The following SCLT1 variants were observed in gnomAD, a reference collection of about 807,000 sequenced individuals.
The protein encoded by SCLT1 is sodium channel-associated protein 1.
In SCLT1, 78 loss-of-function variants were observed where a neutral mutation model predicts 112.8. The ratio of observed to expected loss-of-function variants is 0.69; its 90% CI spans 0.58 to 0.83. The LOEUF (loss-of-function observed/expected upper bound fraction) is 0.83. Ranked by LOEUF, SCLT1 falls within the 40% of genes least tolerant of loss-of-function variation. SCLT1 has a pLI of 0.00. For missense variants in SCLT1, 747 were observed against 770.4 expected, an observed-to-expected ratio of 0.97 and a Z score of 0.36; for synonymous variants, 257 against 254.7, an observed-to-expected ratio of 1.01 and a Z score of -0.09.
chr4:128,891,294 A>G (rs1053787398), intron 18 of SCLT1, among the ~76,000 whole-genome samples, 157 bp from the exon 19 acceptor site: 3 of 152,184 alleles, frequency 2.0e-5, no homozygotes, highest in Admixed American at 6.5e-5. Flanking sequence ...GGACTTGTTT[A>G]TTTCTTTTTA....
At chr4:129,003,966 A>C in intron 5 of SCLT1, 90 bp from the exon 6 acceptor site, 1 of 1,142,694 alleles carries the variant, frequency 8.8e-7, no homozygotes, top group Non-Finnish European at 1.3e-6. Flanking sequence ...TGGGTCAACA[A>C]TAACTCTTTA....
chr4:129,029,342 C>T (rs1001226834), intron 5 of SCLT1, among the ~76,000 whole-genome samples: 2 of 152,020 alleles, frequency 1.3e-5, no homozygotes, highest in African/African-American at 4.8e-5. Context: ...GAATACTATG[C>T]AGCCATAAAA....
At chr4:128,996,669 C>T (rs184389214) in intron 8 of SCLT1, among the ~76,000 whole-genome samples, 160 of 152,202 alleles carry the variant, frequency 1.1e-3, no homozygotes, top group African/African-American at 3.3e-3. Context: ...TCTTAACCAC[C>T]TATATAGTCT....
At chr4:129,043,251 C>T in intron 4 of SCLT1, 144 bp downstream of exon 4, 1 of 615,948 alleles carries the variant, frequency 1.6e-6, no homozygotes, top group African/African-American at 1.9e-5. Context: ...TATACATTCA[C>T]ACACATTTAC....
At chr4:129,059,583 G>A (rs896264491) in intron 2 of SCLT1, among the ~76,000 whole-genome samples, 83 of 152,120 alleles carry the variant, frequency 5.5e-4, no homozygotes, top group Admixed American at 9.8e-4. Context: ...TTTGTCTGGG[G>A]AAAACTCTTT....
At chr4:129,013,874 T>G (rs1345885679) in intron 5 of SCLT1, among the ~76,000 whole-genome samples, 1 of 152,210 alleles carries the variant, frequency 6.6e-6, no homozygotes, top group Non-Finnish European at 1.5e-5. Flanking sequence ...TTGGGTAAGT[T>G]CTAATGGATG....
chr4:128,964,372 A>G (rs1380960742), intron 11 of SCLT1, among the ~76,000 whole-genome samples: 1 of 152,206 alleles, frequency 6.6e-6, no homozygotes, highest in East Asian at 1.9e-4. Context: ...CAGGGCAGAG[A>G]TAAGTGATGG....
At chr4:128,918,602 A>T (rs139159705) in intron 18 of SCLT1, among the ~76,000 whole-genome samples, 2 of 152,332 alleles carry the variant, frequency 1.3e-5, no homozygotes, top group East Asian at 3.9e-4. Flanking sequence ...CTTGAATGTA[A>T]ATAGGCTAAA....
At chr4:129,033,472 T>C (rs112490065) in intron 5 of SCLT1, among the ~76,000 whole-genome samples, 149 of 124,814 alleles carry the variant, frequency 1.2e-3, no homozygotes, top group African/African-American at 4.4e-3. Flanking sequence ...CAAACCTGCA[T>C]GTTCTGCCCA....
At chr4:128,912,610 C>T (rs1200190975) in intron 18 of SCLT1, among the ~76,000 whole-genome samples, 1 of 152,068 alleles carries the variant, frequency 6.6e-6, no homozygotes, top group Non-Finnish European at 1.5e-5. Context: ...TGCCTAAAAT[C>T]TACTGCCTTC....
At chr4:129,085,383 T>A (rs936707110) in intron 1 of SCLT1, among the ~76,000 whole-genome samples, 34 of 152,154 alleles carry the variant, frequency 2.2e-4, no homozygotes, top group African/African-American at 7.5e-4. Flanking sequence ...GGTGAAGTTG[T>A]GGAGAAAAAG....
intron 3 of SCLT1, among the ~76,000 whole-genome samples, chr4:128,877,609 AAGTGGAGGTTGC>A (rs1435162641): frequency 6.6e-6 from 1 of 152,116 alleles, no homozygotes; most frequent in Non-Finnish European, 1.5e-5. Flanking sequence ...TGAACCTGGG[AAGTGGAGGTTGC>A]AGTGAGCTGA....
intron 8 of SCLT1, among the ~76,000 whole-genome samples, chr4:128,994,082 C>T (rs955095731): frequency 5.3e-5 from 8 of 152,084 alleles, no homozygotes; most frequent in East Asian, 3.9e-4. Context: ...GTGTACAATA[C>T]GTTATTGCTG....
chr4:128,995,644 C>A (rs1180771101), intron 8 of SCLT1, among the ~76,000 whole-genome samples: 1 of 152,100 alleles, frequency 6.6e-6, no homozygotes, highest in African/African-American at 2.4e-5. Context: ...TCTTTCCCTC[C>A]CCAGGGAGAT....
In SCLT1 at chr4:128,957,035, G is replaced by A; in HGVS notation, c.1137C>T (p.Thr379=). The A allele has an allele frequency of 6.5e-7, 1 of 1,534,022 alleles. No individual in the cohort carries two copies. The highest frequency in any genetic ancestry group is 8.8e-7 in the Non-Finnish European group (1 of 1,130,764). The change falls in exon 13 of 21, where the codon ACC becomes ACT. Residue 379 remains threonine (T), a synonymous_variant. Coordinates refer to ENST00000281142, the MANE Select transcript of SCLT1 (RefSeq NM_144643.4). ...AATTAAAAATCCTTACTTCTTTCTTGGTTCTTATGGTAGCATCTTGTACAA... is the reference window on the plus strand; with the variant it reads ...AATTAAAAATCCTTACTTCTTTCTTAGTTCTTATGGTAGCATCTTGTACAA... ...SRFVQDATIR[T]KKEVANTKKQ...
At position 128,947,424 on chromosome 4, in the gene SCLT1, T is replaced by C. The variant is rs143684749; in HGVS notation, c.1293+1072A>G. Among the ~76,000 whole-genome samples the C allele has an allele frequency of 1.6e-3, 249 of 152,254 alleles. 2 individuals carry two copies. The highest frequency in any genetic ancestry group is 0.014 in the East Asian group (70 of 5,180). On this transcript the variant is annotated intron_variant, in intron 15 of 20. Coordinates refer to ENST00000281142, the MANE Select transcript of SCLT1 (RefSeq NM_144643.4). ...TGTATTTTTTTTTTCACAAATGGAA[T>C]TGTACATTATGTTTTGCTTTGTGTA...
chr4:128,874,697 C>A (rs1217718069), intron 4 of SCLT1: 1 of 152,588 alleles, frequency 6.6e-6, no homozygotes, highest in Admixed American at 6.5e-5. Context: ...CAAACACCCA[C>A]TTGCGTTCTA....
In SCLT1 at chr4:128,934,201, A is replaced by G. The variant is rs541025187; in HGVS notation, c.1829+2454T>C. Among the ~76,000 whole-genome samples, 12 of 152,006 alleles carry G rather than the reference A, an allele frequency of 7.9e-5. 1 individual carries two copies. Among genetic ancestry groups the G allele is most frequent in the African/African-American group, 2.6e-4 (11 of 41,518 alleles). On this transcript the variant is annotated intron_variant, in intron 18 of 20. Transcript: ENST00000281142. ...TCTGTCCCGCTCTCTCCTCTCAGAA[A>G]TTACCTTTGAATTATTTTTTGGCTC... is the stretch of plus-strand genomic sequence containing the variant.
chr4:128,927,336 C>T (rs953414800), intron 18 of SCLT1, among the ~76,000 whole-genome samples: 9 of 151,904 alleles, frequency 5.9e-5, no homozygotes, highest in South Asian at 2.1e-4. Flanking sequence ...TTTGGGAGGC[C>T]AAGGCAGGAG....
Sources: allele counts gnomAD v4.1 joint callset (sites outside exome capture counted in the v4.1 genomes callset), GRCh38; gene constraint gnomAD v4.1.1; transcripts MANE v1.5; gene names NCBI Gene and HGNC (gene_info 2026-07-23, HGNC 2026-07-21).